SHC4: variants seen among roughly 807,000 people sequenced by gnomAD.
SHC4 encodes SHC-transforming protein 4.
In SHC4, 41 loss-of-function variants were observed where a neutral mutation model predicts 69.4. That is an observed-to-expected ratio of 0.59 (90% CI 0.46 to 0.77). The LOEUF (loss-of-function observed/expected upper bound fraction) is 0.77, where lower values mean the gene tolerates loss of function less well. Ranked by LOEUF, SHC4 falls within the 30% of genes least tolerant of loss-of-function variation. The pLI, the probability that SHC4 is intolerant of heterozygous loss-of-function variation, is 0.00. For missense variants in SHC4, 777 were observed against 783.8 expected (o/e 0.99, Z 0.10); for synonymous variants, 318 against 299.3 (o/e 1.06, Z -0.64).
At position 48,877,627 on chromosome 15, in the gene SHC4, TTCACTA is replaced by T. The variant is rs1156697196; in HGVS notation, c.841-5491_841-5486del. 6.4e-6 allele frequency: 6 copies of T among 933,874 alleles called. No homozygotes were observed. In the African/African-American group the frequency reaches 8.9e-5, roughly 14 times the overall value. The allele number at this position is 933,874 out of a possible 1,614,324, so 57.8% of individuals were successfully genotyped here. A position where few individuals can be genotyped will look rare whatever the true frequency, so the allele number is the denominator to read the frequency against. On this transcript the variant is annotated intron_variant, in intron 4 of 11. Transcript: ENST00000332408. Reference sequence around the variant, plus strand: ...GAAAAGAAATGGGACCAAGTATTTCTTCACTATAACTAAAAAAAAAAAAAGTACAAT... The same window carrying T: ...GAAAAGAAATGGGACCAAGTATTTCTTAACTAAAAAAAAAAAAAGTACAAT...
At chr15:48,938,541 C>T (rs1901116141) in intron 1 of SHC4, among the ~76,000 whole-genome samples, 1 of 152,154 alleles carries the variant, frequency 6.6e-6, no homozygotes, top group African/African-American at 2.4e-5. Context: ...AGCAGCATTG[C>T]ACTTCTCCTG....
Position 48,843,420 on chromosome 15 carries a change from C to CA in SHC4, c.1471dup (p.Trp491LeufsTer28). ...GAGTAGCTACTTACTTCCGCAGTGC[C>CA]ATGGGCTCCCCAGTGGTTGGGCTGA... On this transcript the variant is annotated frameshift_variant, in exon 10 of 12. Transcript: ENST00000332408. LOFTEE classifies it high-confidence loss of function. 6.2e-7 allele frequency: 1 copy of CA among 1,612,444 alleles called. No individual in the cohort carries two copies. Among genetic ancestry groups the CA allele is most frequent in the Non-Finnish European group, 8.5e-7 (1 of 1,178,880 alleles).
chr15:48,836,635 T>G (rs1038773797), intron 10 of SHC4, among the ~76,000 whole-genome samples: 1 of 152,192 alleles, frequency 6.6e-6, no homozygotes, highest in Non-Finnish European at 1.5e-5. Flanking sequence ...TGTTTATGTG[T>G]CCTTAGGTAA....
At chr15:48,954,710 G>A (rs560100974) in intron 1 of SHC4, among the ~76,000 whole-genome samples, 1 of 152,166 alleles carries the variant, frequency 6.6e-6, no homozygotes. Flanking sequence ...CCGGGAGAAA[G>A]TATGCCAAAG....
chr15:48,878,066 CT>C, intron 4 of SHC4: 1 of 1,410,170 alleles, frequency 7.1e-7, no homozygotes, highest in Non-Finnish European at 9.5e-7. Context: ...AGGACCACGC[CT>C]GCGCGCGGGG....
At chr15:48,842,682 G>A (rs1899014498) in intron 10 of SHC4, among the ~76,000 whole-genome samples, 1 of 152,190 alleles carries the variant, frequency 6.6e-6, no homozygotes, top group African/African-American at 2.4e-5. Context: ...TAATCCCAAT[G>A]CTTTGAGAGG....
intron 1 of SHC4, among the ~76,000 whole-genome samples, chr15:48,948,928 C>G (rs1044102686): frequency 6.6e-6 from 1 of 151,984 alleles, no homozygotes; most frequent in African/African-American, 2.4e-5. Flanking sequence ...TCACACACCT[C>G]CCTCTCATCT....
chr15:48,837,549 G>T (rs112141395), intron 10 of SHC4, among the ~76,000 whole-genome samples: 130 of 151,956 alleles, frequency 8.6e-4, no homozygotes, highest in African/African-American at 3.0e-3. Flanking sequence ...TCTAAATATG[G>T]TTATTTATAT....
At chr15:48,833,131 A>G (rs1222560061) in intron 11 of SHC4, among the ~76,000 whole-genome samples, 1 of 152,120 alleles carries the variant, frequency 6.6e-6, no homozygotes, top group Non-Finnish European at 1.5e-5. Context: ...ATGCATTTGA[A>G]AAACAGCCAC....
At chr15:48,849,536 G>C (rs111568594) in intron 9 of SHC4, among the ~76,000 whole-genome samples, 122 of 152,240 alleles carry the variant, frequency 8.0e-4, no homozygotes, top group African/African-American at 2.8e-3. Flanking sequence ...CTGACCCATG[G>C]GAAGTCTTCA....
At chr15:48,940,583 TGTC>T in intron 1 of SHC4, among the ~76,000 whole-genome samples, 1 of 152,312 alleles carries the variant, frequency 6.6e-6, no homozygotes, top group Admixed American at 6.5e-5. Context: ...CCAAAATTTT[TGTC>T]GTCAGTTACC....
In SHC4 at chr15:48,870,905, C is replaced by T. The variant is rs115024216; in HGVS notation, c.894+1184G>A. On this transcript the variant is annotated intron_variant, in intron 5 of 11. Coordinates refer to ENST00000332408, the MANE Select transcript of SHC4 (RefSeq NM_203349.4). ...ACAGAGTAACTTCAGAACTTTACTT[C>T]CTTTTAGGATATACAATTATTTCTC... is the stretch of plus-strand genomic sequence containing the variant. Among the ~76,000 whole-genome samples the T allele has an allele frequency of 4.2e-3, 638 of 152,280 alleles. 2 individuals carry two copies. The highest frequency in any genetic ancestry group is 0.015 in the African/African-American group (621 of 41,542).
chr15:48,836,664 A>C (rs1294892492), intron 10 of SHC4, among the ~76,000 whole-genome samples: 2 of 152,108 alleles, frequency 1.3e-5, no homozygotes, highest in African/African-American at 4.8e-5. Flanking sequence ...CAAATGAGAA[A>C]TTATCTTGAC....
intron 6 of SHC4, among the ~76,000 whole-genome samples, chr15:48,862,005 A>G (rs1361554976): frequency 6.6e-6 from 1 of 152,188 alleles, no homozygotes; most frequent in African/African-American, 2.4e-5. Flanking sequence ...TTTCAGGTCA[A>G]CCACCAGATG....
At chr15:48,888,689 G>A (rs1900081323) in intron 3 of SHC4, among the ~76,000 whole-genome samples, 1 of 152,030 alleles carries the variant, frequency 6.6e-6, no homozygotes, top group South Asian at 2.1e-4. Flanking sequence ...AGGCCAGGGA[G>A]TTAGAGACCA....
rs759447313 is a variant in SHC4 at position 48,878,466 on chromosome 15, A to ACGAGGG, written c.840+5776_840+5781dup. On this transcript the variant is annotated intron_variant, in intron 4 of 11. Coordinates refer to ENST00000332408, the MANE Select transcript of SHC4 (RefSeq NM_203349.4). ...GCGGGCGCAGACTTCGAGAGCGAGG[A>ACGAGGG]CGAGGGCGAGGAATTTGATGACTGG... The ACGAGGG allele has an allele frequency of 9.3e-6, 15 of 1,613,666 alleles. No individual in the cohort carries two copies. In the African/African-American group the frequency reaches 1.9e-4, roughly 20 times the overall value.
At chr15:48,886,375 C>T (rs17383295) in intron 3 of SHC4, among the ~76,000 whole-genome samples, 31,678 of 152,108 alleles carry the variant, frequency 0.21, 3,642 homozygotes, top group Non-Finnish European at 0.27. Flanking sequence ...TTTGTTCTCA[C>T]CATAACCTTA....
At chr15:48,878,887 T>A in intron 4 of SHC4, 1 of 632,992 alleles carries the variant, frequency 1.6e-6, no homozygotes, top group Non-Finnish European at 2.7e-6. Context: ...AATAGGACAG[T>A]GACTGCACAG....
chr15:48,962,514 G>A lies in SHC4; in HGVS notation c.502C>T (p.Pro168Ser), dbSNP rs1024744620. The change falls in exon 1 of 12, where the codon CCT (proline) becomes TCT (serine). Residue 168 changes from proline to serine, a missense_variant. By Grantham distance (74) the Pro-to-Ser change is moderately conservative. Transcript: ENST00000332408. ...CTGCTCCTAAGTGTTGGCTCCCCAG[G>A]GCCAGGAAGCGGGCACGAATCAGGG... The part of the protein sequence containing the change: ...LTPDSCPLPG[P>S]GEPTLRSRQD... 6 of 1,581,028 alleles carry A rather than the reference G, an allele frequency of 3.8e-6. No homozygotes were observed. In the African/African-American group the frequency reaches 4.1e-5, roughly 11 times the overall value.
Sources: gnomAD v4.1 joint callset for allele counts (sites outside exome capture counted in the v4.1 genomes callset) on GRCh38, gnomAD v4.1.1 for gene constraint, MANE v1.5 for transcripts, NCBI Gene and HGNC (gene_info 2026-07-23, HGNC 2026-07-21) for gene names.